The following CTNNA2 variants were observed in gnomAD, a reference collection of about 807,000 sequenced individuals.
CTNNA2 encodes catenin alpha-2.
Under a neutral mutation model 101.0 loss-of-function variants are expected in CTNNA2, and 42 were observed. The observed-to-expected ratio is 0.42, with a 90% confidence interval of 0.32 to 0.54. The LOEUF (loss-of-function observed/expected upper bound fraction) is 0.54. Among genes scored for constraint, CTNNA2 ranks in the 20% least tolerant of loss-of-function variants. The pLI is 0.14. For missense variants in CTNNA2, 871 were observed against 1,223.1 expected (o/e 0.71, Z 4.29); for synonymous variants, 450 against 456.4 (o/e 0.99, Z 0.18).
At chr2:80,030,533 CGTT>C (rs1292959350) in intron 7 of CTNNA2, 2 of 152,106 alleles carry the variant, frequency 1.3e-5, no homozygotes, top group African/African-American at 2.4e-5. Context: ...GGTTTTGTTT[CGTT>C]GTCCTGAGTC....
At chr2:80,583,715 A>G (rs1050279119) in intron 14 of CTNNA2, among the ~76,000 whole-genome samples, 3 of 152,178 alleles carry the variant, frequency 2.0e-5, no homozygotes, top group African/African-American at 7.2e-5. Flanking sequence ...AAGGAAGAAT[A>G]GAGTCGCAAT....
chr2:79,598,713 A>C (rs2104053683), intron 1 of CTNNA2, among the ~76,000 whole-genome samples: 1 of 152,308 alleles, frequency 6.6e-6, no homozygotes, highest in Admixed American at 6.5e-5. Context: ...ACAGTTCTTT[A>C]TCAGATGTAT....
chr2:79,377,343 C>T (rs916072623), intron 4 of CTNNA2, among the ~76,000 whole-genome samples: 4 of 152,158 alleles, frequency 2.6e-5, no homozygotes. Context: ...GCTGAACAAT[C>T]CATACTATGC....
At chr2:79,217,412 G>A (rs1674280597) in intron 2 of CTNNA2, among the ~76,000 whole-genome samples, 2 of 152,164 alleles carry the variant, frequency 1.3e-5, no homozygotes, top group Admixed American at 6.5e-5. Flanking sequence ...AAGAGAGTCA[G>A]TGAAGGGAGA....
At chr2:80,454,785 C>T (rs931138743) in intron 9 of CTNNA2, among the ~76,000 whole-genome samples, 1 of 152,216 alleles carries the variant, frequency 6.6e-6, no homozygotes, top group Non-Finnish European at 1.5e-5. Context: ...CAGGGCCAGC[C>T]CTGGGCATTT....
Position 79,354,897 on chromosome 2 carries a change from G to A in CTNNA2, c.-317-18934G>A, listed in dbSNP as rs148023442. 1.8e-4 allele frequency among the ~76,000 whole-genome samples: 27 copies of A among 152,238 alleles called. No individual in the cohort carries two copies. In the East Asian group the frequency reaches 4.8e-3, roughly 27 times the overall value. ...TGATTTAGAGTGTTTTCTCTAAAAA[G>A]AGCTGTTTAAAGTATGATGACTTAC... On this transcript the variant is annotated intron_variant, in intron 3 of 21. Transcript: ENST00000466387.
intron 4 of CTNNA2, among the ~76,000 whole-genome samples, chr2:79,492,442 T>C (rs1185638170): frequency 6.6e-6 from 1 of 151,960 alleles, no homozygotes; most frequent in Non-Finnish European, 1.5e-5. Flanking sequence ...ACATATAGAA[T>C]GTATAATTAT....
upstream of CTNNA2, among the ~76,000 whole-genome samples, chr2:79,510,934 A>C (rs1242527892): frequency 6.6e-6 from 1 of 152,204 alleles, no homozygotes; most frequent in Non-Finnish European, 1.5e-5. Flanking sequence ...ATTTAATTGC[A>C]ATTAAAACAA....
chr2:79,856,131 C>T (rs533216723), intron 3 of CTNNA2, among the ~76,000 whole-genome samples: 1 of 152,250 alleles, frequency 6.6e-6, no homozygotes, highest in East Asian at 1.9e-4. Flanking sequence ...ATATATCAAG[C>T]TATTTGTGTG....
chr2:79,367,237 A>T (rs1395613149), intron 3 of CTNNA2, among the ~76,000 whole-genome samples: 1 of 152,198 alleles, frequency 6.6e-6, no homozygotes. Flanking sequence ...CAGGAACTGA[A>T]TCAGCTAGCA....
intron 7 of CTNNA2, among the ~76,000 whole-genome samples, chr2:80,081,464 A>G (rs1383544636): frequency 6.6e-6 from 1 of 152,080 alleles, no homozygotes; most frequent in Non-Finnish European, 1.5e-5. Context: ...CTTCAGAAAC[A>G]TGTGATAAGA....
intron 1 of CTNNA2, among the ~76,000 whole-genome samples, chr2:79,577,610 G>T (rs1675879640): frequency 6.6e-6 from 1 of 151,866 alleles, no homozygotes; most frequent in African/African-American, 2.4e-5. Flanking sequence ...TTTTTTTGTA[G>T]ATAGTCTAAG....
intron 1 of CTNNA2, among the ~76,000 whole-genome samples, chr2:79,519,195 C>T (rs1671968222): frequency 7.0e-6 from 1 of 141,980 alleles, no homozygotes; most frequent in Non-Finnish European, 1.5e-5. Flanking sequence ...TGCCACTGCA[C>T]TTCAGCTTGG....
At chr2:79,565,273 C>T (rs1236813053) in intron 1 of CTNNA2, among the ~76,000 whole-genome samples, 1 of 151,704 alleles carries the variant, frequency 6.6e-6, no homozygotes, top group Non-Finnish European at 1.5e-5. Flanking sequence ...GAAACAGGGA[C>T]TCTCAGCAAA....
At chr2:79,289,747 A>G (rs1675742896) in intron 2 of CTNNA2, among the ~76,000 whole-genome samples, 1 of 152,182 alleles carries the variant, frequency 6.6e-6, no homozygotes. Context: ...TCCATCTCAA[A>G]AAAAGAAATA....
chr2:80,536,082 T>A (rs1573176451), intron 9 of CTNNA2, among the ~76,000 whole-genome samples: 1 of 152,168 alleles, frequency 6.6e-6, no homozygotes, highest in Non-Finnish European at 1.5e-5. Flanking sequence ...CCACTGTTAT[T>A]GAATTGTGAA....
In CTNNA2 at chr2:80,604,643, T is replaced by C. The variant is rs113212995; in HGVS notation, c.2295+464T>C. On this transcript the variant is annotated intron_variant, in intron 16 of 18. Transcript: ENST00000402739. ...AAAAAATATATATTTATTATTGCTT[T>C]ACTTTTATTTTCTGTTGCCCCCAGG... is the stretch of plus-strand genomic sequence containing the variant. Among the ~76,000 whole-genome samples the C allele has an allele frequency of 9.4e-3, 1,437 of 152,154 alleles. 18 individuals are homozygous for C. The highest frequency in any genetic ancestry group is 0.033 in the African/African-American group (1,353 of 41,538).
intron 1 of CTNNA2, among the ~76,000 whole-genome samples, chr2:79,615,113 T>C (rs1160763346): frequency 6.6e-6 from 1 of 152,174 alleles, no homozygotes; most frequent in Non-Finnish European, 1.5e-5. Flanking sequence ...AAGGTTCTTT[T>C]CAGCATGTCT....
intron 9 of CTNNA2, among the ~76,000 whole-genome samples, chr2:80,434,986 G>C (rs551225280): frequency 6.6e-6 from 1 of 151,938 alleles, no homozygotes; most frequent in African/African-American, 2.4e-5. Context: ...TGTGTATCAG[G>C]GTTTCTCAAC....
Sources: allele counts gnomAD v4.1 joint callset (sites outside exome capture counted in the v4.1 genomes callset), GRCh38; gene constraint gnomAD v4.1.1; transcripts MANE v1.5; gene names NCBI Gene and HGNC (gene_info 2026-07-23, HGNC 2026-07-21).